Variants in IL1RAPL1 observed in about 807,000 individuals in gnomAD.
The protein encoded by IL1RAPL1 is interleukin-1 receptor accessory protein-like 1.
Under a neutral mutation model 48.4 loss-of-function variants are expected in IL1RAPL1, and 3 were observed. That is an observed-to-expected ratio of 0.06 (90% CI 0.03 to 0.16). The LOEUF is 0.16. Among genes scored for constraint, IL1RAPL1 ranks in the 10% least tolerant of loss-of-function variants. The pLI, the probability that IL1RAPL1 is intolerant of heterozygous loss-of-function variation, is 1.00. For missense variants in IL1RAPL1, 349 were observed against 530.6 expected, an observed-to-expected ratio of 0.66 and a Z score of 3.36; for synonymous variants, 185 against 187.7, an observed-to-expected ratio of 0.99 and a Z score of 0.12.
At chrX:29,246,385 C>A (rs987445746) in intron 2 of IL1RAPL1, among the ~76,000 whole-genome samples, 2 of 109,514 alleles carry the variant, frequency 1.8e-5, no homozygotes, top group Admixed American at 2.0e-4. Context: ...TTTACCCACC[C>A]CACCCCTGAT....
intron 6 of IL1RAPL1, among the ~76,000 whole-genome samples, chrX:29,714,334 AAG>A (rs1171995297): frequency 8.9e-6 from 1 of 112,236 alleles, no homozygotes; most frequent in Non-Finnish European, 1.9e-5. Context: ...GTCAAGCTAT[AAG>A]AGATTATGAA....
intron 2 of IL1RAPL1, among the ~76,000 whole-genome samples, chrX:29,100,871 C>G: frequency 8.9e-6 from 1 of 111,802 alleles, no homozygotes; most frequent in Non-Finnish European, 1.9e-5. Context: ...AAAAATTAAA[C>G]ACTCAATAAA....
At chrX:29,556,962 G>A (rs1254080344) in intron 5 of IL1RAPL1, among the ~76,000 whole-genome samples, 1 of 111,214 alleles carries the variant, frequency 9.0e-6, no homozygotes, top group Non-Finnish European at 1.9e-5. Context: ...ACATTTTTTA[G>A]CAACTTTGTT....
intron 1 of IL1RAPL1, among the ~76,000 whole-genome samples, chrX:28,594,911 C>T (rs753269266): frequency 9.0e-6 from 1 of 111,290 alleles, no homozygotes; most frequent in Non-Finnish European, 1.9e-5. Flanking sequence ...GTGCTTTTCC[C>T]ATTAGCTTTG....
intron 5 of IL1RAPL1, among the ~76,000 whole-genome samples, chrX:29,604,213 T>C (rs972539670): frequency 5.3e-5 from 6 of 112,294 alleles, no homozygotes; most frequent in Admixed American, 4.7e-4. Context: ...CTTTCTCCTC[T>C]GAATAGCTGC....
chrX:29,416,462 G>GA (rs1934217985), intron 5 of IL1RAPL1, among the ~76,000 whole-genome samples: 3 of 110,888 alleles, frequency 2.7e-5, no homozygotes, highest in Non-Finnish European at 3.8e-5. Flanking sequence ...CTTGAACTTG[G>GA]GGGGGCAGAG....
At chrX:28,735,428 A>G (rs375196248) in intron 1 of IL1RAPL1, among the ~76,000 whole-genome samples, 26 of 108,120 alleles carry the variant, frequency 2.4e-4, no homozygotes, top group African/African-American at 8.5e-4. Flanking sequence ...GCTCCAATCT[A>G]TAGAATATTT....
At chrX:29,170,499 T>C (rs1341569464) in intron 2 of IL1RAPL1, among the ~76,000 whole-genome samples, 1 of 112,058 alleles carries the variant, frequency 8.9e-6, no homozygotes, top group Non-Finnish European at 1.9e-5. Context: ...TTTCTTAGTT[T>C]AGAAATTCAA....
At chrX:28,966,695 ACT>A (rs945681917) in intron 2 of IL1RAPL1, among the ~76,000 whole-genome samples, 1 of 112,023 alleles carries the variant, frequency 8.9e-6, no homozygotes, top group African/African-American at 3.2e-5. Context: ...ATGCTAAAAC[ACT>A]GTTTTATCAA....
At chrX:29,490,846 G>GTA (rs1935149850) in intron 5 of IL1RAPL1, among the ~76,000 whole-genome samples, 1 of 57,112 alleles carries the variant, frequency 1.8e-5, no homozygotes, top group African/African-American at 1.7e-4. Flanking sequence ...GTGTGTGTGT[G>GTA]TGTGTGTATA....
chrX:29,297,579 T>G (rs1334622867), intron 3 of IL1RAPL1, among the ~76,000 whole-genome samples: 1 of 112,332 alleles, frequency 8.9e-6, no homozygotes, highest in Non-Finnish European at 1.9e-5. Flanking sequence ...CCTGGAATCA[T>G]GTAATGTAAA....
intron 3 of IL1RAPL1, among the ~76,000 whole-genome samples, chrX:29,350,842 TA>T (rs1933221919): frequency 8.9e-6 from 1 of 112,015 alleles, no homozygotes; most frequent in Non-Finnish European, 1.9e-5. Flanking sequence ...AGTTTTGTGA[TA>T]TTTTATGACA....
intron 1 of IL1RAPL1, among the ~76,000 whole-genome samples, chrX:28,687,184 T>C (rs1216608856): frequency 9.0e-6 from 1 of 111,420 alleles, no homozygotes; most frequent in Non-Finnish European, 1.9e-5. Context: ...TAGAATACCA[T>C]ATTCCATTTT....
At chrX:29,163,914 C>T (rs910017525) in intron 2 of IL1RAPL1, among the ~76,000 whole-genome samples, 3 of 111,349 alleles carry the variant, frequency 2.7e-5, no homozygotes, top group Non-Finnish European at 3.8e-5. Flanking sequence ...TCCTTATTTC[C>T]AGAAAGAAAT....
chrX:29,364,781 C>G (rs1281461185), intron 3 of IL1RAPL1, among the ~76,000 whole-genome samples: 7 of 110,391 alleles, frequency 6.3e-5, no homozygotes, highest in Non-Finnish European at 1.9e-5. Flanking sequence ...AAGTTATATG[C>G]AAATACTACA....
At chrX:28,962,248 A>T (rs181790832) in intron 2 of IL1RAPL1, among the ~76,000 whole-genome samples, 2 of 112,173 alleles carry the variant, frequency 1.8e-5, no homozygotes, top group East Asian at 5.6e-4. Context: ...AGCTTCATAT[A>T]GGGCTCTCTA....
At chrX:29,334,055 G>A (rs1457889719) in intron 3 of IL1RAPL1, among the ~76,000 whole-genome samples, 42 of 91,027 alleles carry the variant, frequency 4.6e-4, no homozygotes, top group African/African-American at 1.8e-3. Context: ...CGGACTGGGC[G>A]GCTGGCCGGG....
chrX:29,552,339 A>G (rs774660709), intron 5 of IL1RAPL1, among the ~76,000 whole-genome samples: 2 of 111,188 alleles, frequency 1.8e-5, no homozygotes, highest in South Asian at 3.8e-4. Flanking sequence ...TGAAGGGTCA[A>G]TATTACCCTT....
chrX:29,616,373 C>G (rs1231606363), intron 5 of IL1RAPL1, among the ~76,000 whole-genome samples: 1 of 107,113 alleles, frequency 9.3e-6, no homozygotes, highest in Non-Finnish European at 1.9e-5. Context: ...TACATGTGCG[C>G]AATGTGTAGG....
Sources: allele counts gnomAD v4.1 joint callset (sites outside exome capture counted in the v4.1 genomes callset), GRCh38; gene constraint gnomAD v4.1.1; transcripts MANE v1.5; gene names NCBI Gene and HGNC (gene_info 2026-07-23, HGNC 2026-07-21).